Variants in CEP83 observed in about 807,000 individuals in gnomAD.
The protein encoded by CEP83 is centrosomal protein 83, also known as centrosomal protein of 83 kDa.
Under a neutral mutation model 101.9 loss-of-function variants are expected in CEP83, and 70 were observed. That is an observed-to-expected ratio of 0.69 (90% confidence interval 0.57 to 0.84). The LOEUF (loss-of-function observed/expected upper bound fraction) is 0.84. Among genes scored for constraint, CEP83 ranks in the 40% least tolerant of loss-of-function variants. CEP83 has a pLI of 0.00. For synonymous variants in CEP83, 264 were observed against 267.9 expected (o/e 0.99, Z 0.14); for missense variants, 715 against 787.2 (o/e 0.91, Z 1.10).
chr12:94,403,898 AT>A (rs1470712704), intron 4 of CEP83, among the ~76,000 whole-genome samples: 3 of 147,240 alleles, frequency 2.0e-5, no homozygotes, highest in Admixed American at 6.8e-5. Context: ...AAAAAAAAAA[AT>A]CTAAAGTTTG....
intron 6 of CEP83, among the ~76,000 whole-genome samples, chr12:94,398,547 C>T (rs1231710462): frequency 6.6e-6 from 1 of 152,172 alleles, no homozygotes; most frequent in Non-Finnish European, 1.5e-5. Context: ...CTCAGGACCA[C>T]TATAACTGTG....
chr12:94,313,386 T>C (rs1970165087), intron 14 of CEP83, among the ~76,000 whole-genome samples: 1 of 152,074 alleles, frequency 6.6e-6, no homozygotes, highest in Non-Finnish European at 1.5e-5. Flanking sequence ...TTAAGAGAAC[T>C]GAGCCAGGTA....
At chr12:94,431,384 C>CA (rs1412580780) in intron 2 of CEP83, among the ~76,000 whole-genome samples, 1 of 151,884 alleles carries the variant, frequency 6.6e-6, no homozygotes, top group East Asian at 1.9e-4. Context: ...TTGGTCTCAG[C>CA]AAAAATAGTA....
downstream of CEP83, chr12:94,307,330 T>C (rs1366024374): frequency 1.3e-5 from 2 of 152,334 alleles, no homozygotes; most frequent in African/African-American, 2.4e-5. Flanking sequence ...TGAAAAGCAC[T>C]ATCTAGATCA....
At chr12:94,280,142 C>T in the CEP83 span, 60 of 273,908 alleles carry the variant, frequency 2.2e-4, 1 homozygote, top group South Asian at 1.9e-3. Flanking sequence ...AGTATATGCT[C>T]CGTCCTCCCT....
At position 94,399,735 on chromosome 12, in the gene CEP83, C is replaced by T. The variant is rs553688137; in HGVS notation, c.549+1115G>A. On this transcript the variant is annotated intron_variant, in intron 6 of 16. Transcript: ENST00000397809. ...CAAGACCTCCTCTTGATCAATCAAT[C>T]AAAGAAAATAAGACAGTCTAGCCCC... Among the ~76,000 whole-genome samples the T allele has an allele frequency of 5.3e-5, 8 of 152,048 alleles. No individual in the cohort carries two copies. The South Asian group carries it at 1.7e-3, about 32-fold the overall frequency.
At chr12:94,448,827 G>T (rs1269181078) in intron 1 of CEP83, among the ~76,000 whole-genome samples, 1 of 151,666 alleles carries the variant, frequency 6.6e-6, no homozygotes, top group East Asian at 1.9e-4. Flanking sequence ...TATGAGAAAA[G>T]AAAAAAGGTC....
chr12:94,418,205 C>T (rs890131279), intron 2 of CEP83, among the ~76,000 whole-genome samples: 13 of 151,702 alleles, frequency 8.6e-5, no homozygotes, highest in African/African-American at 3.1e-4. Flanking sequence ...CTACTAAAAA[C>T]ACAAAAATTA....
chr12:94,401,723 A>T (rs2137590947), intron 5 of CEP83, among the ~76,000 whole-genome samples: 1 of 152,286 alleles, frequency 6.6e-6, no homozygotes, highest in Admixed American at 6.5e-5. Context: ...AAACCAAGAA[A>T]ATGGGTTTCA....
Position 94,413,511 on chromosome 12 carries a change from A to G in CEP83, c.-101-920T>C, listed in dbSNP as rs1057358756. Reference sequence around the variant, plus strand: ...TCAAGGTCTTCAAAAGGTGACCTTCAGCAAGTAACTATGCCTATGATTAAT... The same window carrying G: ...TCAAGGTCTTCAAAAGGTGACCTTCGGCAAGTAACTATGCCTATGATTAAT... On this transcript the variant is annotated intron_variant, in intron 2 of 16. Transcript: ENST00000397809. 3.3e-5 allele frequency among the ~76,000 whole-genome samples: 5 copies of G among 152,178 alleles called. No individual in the cohort carries two copies. In the East Asian group the frequency reaches 9.6e-4, roughly 29 times the overall value.
intron 11 of CEP83, among the ~76,000 whole-genome samples, chr12:94,341,936 G>A (rs1404109949): frequency 1.3e-5 from 2 of 151,958 alleles, no homozygotes; most frequent in Non-Finnish European, 1.5e-5. Flanking sequence ...ATTATCATAG[G>A]ATAAAACATT....
chr12:94,447,330 A>G (rs2138497976), intron 1 of CEP83, among the ~76,000 whole-genome samples: 1 of 152,312 alleles, frequency 6.6e-6, no homozygotes, highest in South Asian at 2.1e-4. Flanking sequence ...CCTGGGCAAC[A>G]TGGCAAAACC....
chr12:94,268,795 G>C, the CEP83 span, among the ~76,000 whole-genome samples: 1 of 151,794 alleles, frequency 6.6e-6, no homozygotes, highest in African/African-American at 2.4e-5. Flanking sequence ...GGTTTTCGCC[G>C]TGTTGGCTAG....
Position 94,400,944 on chromosome 12 carries a change from C to G in CEP83, c.455G>C (p.Arg152Pro). The change falls in exon 6 of 17, where the codon CGC becomes CCC. Residue 152 changes from arginine (R) to proline (P), a missense_variant. Transcript: ENST00000397809. ...EKYRAVYNKL[R>P]YEHTFLKSEF... The stretch of plus-strand genomic sequence containing the variant: ...TGACTTGAGAAATGTATGTTCATAG[C>G]GAAGCTTATTATATACAGCTCTATA... The G allele has an allele frequency of 6.6e-7, 1 of 1,506,456 alleles. No homozygotes were observed. The highest frequency in any genetic ancestry group is 8.9e-7 in the Non-Finnish European group (1 of 1,123,802). The allele number at this position is 1,506,456 out of a possible 1,614,324, so 93.3% of individuals were successfully genotyped here. A position where few individuals can be genotyped will look rare whatever the true frequency, so the allele number is the denominator to read the frequency against.
At chr12:94,406,788 G>T (rs541029863) in intron 4 of CEP83, among the ~76,000 whole-genome samples, 9 of 151,938 alleles carry the variant, frequency 5.9e-5, no homozygotes, top group Admixed American at 2.6e-4. Context: ...TTAACCAGGC[G>T]TGGTGGCGGG....
intron 8 of CEP83, among the ~76,000 whole-genome samples, chr12:94,375,430 G>T (rs1171873315): frequency 6.6e-6 from 1 of 152,116 alleles, no homozygotes; most frequent in Non-Finnish European, 1.5e-5. Context: ...GGAGCAAAGT[G>T]AACAGGAGGA....
At chr12:94,401,587 A>T (rs960101729) in intron 5 of CEP83, among the ~76,000 whole-genome samples, 1 of 152,002 alleles carries the variant, frequency 6.6e-6, no homozygotes, top group African/African-American at 2.4e-5. Flanking sequence ...CCAACAAGAA[A>T]CTCAGGCCAC....
intron 6 of CEP83, among the ~76,000 whole-genome samples, chr12:94,400,595 G>A (rs1194879841): frequency 6.6e-6 from 1 of 151,918 alleles, no homozygotes; most frequent in Non-Finnish European, 1.5e-5. Flanking sequence ...TTTGTACAAT[G>A]AAACTCCCCA....
At chr12:94,274,692 T>C in the CEP83 span, among the ~76,000 whole-genome samples, 1 of 152,234 alleles carries the variant, frequency 6.6e-6, no homozygotes. Flanking sequence ...ATTTGGACCA[T>C]GCTTACTTTA....
Sources: allele counts gnomAD v4.1 joint callset (sites outside exome capture counted in the v4.1 genomes callset), GRCh38; gene constraint gnomAD v4.1.1; transcripts MANE v1.5; gene names NCBI Gene and HGNC (gene_info 2026-07-23, HGNC 2026-07-21).